PTP4A2: variants seen among roughly 807,000 people sequenced by gnomAD.
PTP4A2 encodes the protein protein tyrosine phosphatase 4A2, also known as protein tyrosine phosphatase type IVA 2.
Under a neutral mutation model 22.9 loss-of-function variants are expected in PTP4A2, and 2 were observed. That is an observed-to-expected ratio of 0.09 (90% CI 0.04 to 0.27). The LOEUF is 0.27. Ranked by LOEUF, PTP4A2 falls within the 10% of genes least tolerant of loss-of-function variation. The pLI, the probability that PTP4A2 is intolerant of heterozygous loss-of-function variation, is 1.00. For missense variants in PTP4A2, 103 were observed against 205.1 expected (o/e 0.50, Z 3.04); for synonymous variants, 68 against 69.1 (o/e 0.98, Z 0.08).
chr1:31,923,046 C>T (rs918057489), intron 1 of PTP4A2, among the ~76,000 whole-genome samples: 5 of 151,778 alleles, frequency 3.3e-5, no homozygotes, highest in Non-Finnish European at 7.4e-5. Flanking sequence ...ATTCTCCTGC[C>T]TCAGCCTCCC....
intron 1 of PTP4A2, among the ~76,000 whole-genome samples, chr1:31,936,393 C>T (rs754458339): frequency 9.9e-5 from 15 of 151,832 alleles, no homozygotes; most frequent in Admixed American, 7.9e-4. Context: ...CAGAGCGAGA[C>T]TCCATCTCAA....
intron 2 of PTP4A2, among the ~76,000 whole-genome samples, chr1:31,916,323 C>T (rs1388250908): frequency 2.5e-4 from 29 of 116,936 alleles, no homozygotes; most frequent in East Asian, 7.9e-4. Context: ...CCAGCCTGGG[C>T]GACAGAGCGA....
At chr1:31,932,520 T>A (rs1012583336) in intron 1 of PTP4A2, among the ~76,000 whole-genome samples, 1 of 152,200 alleles carries the variant, frequency 6.6e-6, no homozygotes, top group African/African-American at 2.4e-5. Context: ...AAAATCAGTA[T>A]AGGCAAACAA....
chr1:31,919,210 C>T lies in PTP4A2; in HGVS notation c.-145G>A, dbSNP rs974063841. On this transcript the variant is annotated 5_prime_UTR_variant, in exon 2 of 6. Transcript: ENST00000647444. ...ATTATCAATCAGTGTTTTCTCTATTCAACTTGTTTATTCCTTATGAAGCTT... is the reference window on the plus strand; with the variant it reads ...ATTATCAATCAGTGTTTTCTCTATTTAACTTGTTTATTCCTTATGAAGCTT... The T allele has an allele frequency of 1.5e-5, 7 of 477,874 alleles. No homozygotes were observed. Among genetic ancestry groups the T allele is most frequent in the Non-Finnish European group, 2.3e-5 (6 of 264,374 alleles). 29.6% of individuals were successfully genotyped at this position (477,874 alleles called of 1,614,324 possible).
chr1:31,933,264 T>G (rs961951074), intron 1 of PTP4A2: 12 of 152,230 alleles, frequency 7.9e-5, no homozygotes, highest in Admixed American at 3.9e-4. Flanking sequence ...CCTCCCAGAA[T>G]GAGCCACTGT....
intron 1 of PTP4A2, among the ~76,000 whole-genome samples, chr1:31,928,838 C>A (rs1652598335): frequency 6.6e-6 from 1 of 152,044 alleles, no homozygotes. Flanking sequence ...GAAATCATGA[C>A]CTTGATGGTG....
intron 1 of PTP4A2, chr1:31,932,724 T>C (rs1410291510): frequency 6.6e-6 from 1 of 152,254 alleles, no homozygotes; most frequent in Non-Finnish European, 1.5e-5. Flanking sequence ...ACAGCTAGTA[T>C]TGCTGTGCAG....
chr1:31,914,875 A>G (rs1651742213), intron 3 of PTP4A2, among the ~76,000 whole-genome samples: 1 of 152,214 alleles, frequency 6.6e-6, no homozygotes, highest in Non-Finnish European at 1.5e-5. Flanking sequence ...TAGACAAAAA[A>G]TCTAATCATA....
intron 1 of PTP4A2, chr1:31,931,146 G>A (rs1043726574): frequency 3.0e-4 from 46 of 152,218 alleles, no homozygotes; most frequent in African/African-American, 1.1e-3. Context: ...CAAGCTCCTA[G>A]AAGAATCAAC....
intron 1 of PTP4A2, chr1:31,933,148 C>G (rs918820221): frequency 1.3e-5 from 2 of 152,310 alleles, no homozygotes; most frequent in African/African-American, 4.8e-5. Flanking sequence ...ACTACAGGTT[C>G]ATACCACTAT....
chr1:31,935,925 G>C (rs1209568046), intron 1 of PTP4A2, among the ~76,000 whole-genome samples: 2 of 151,992 alleles, frequency 1.3e-5, no homozygotes, highest in Non-Finnish European at 2.9e-5. Context: ...CTCCGGGATA[G>C]CTGGAACTAC....
chr1:31,923,679 C>A (rs1038223786), intron 1 of PTP4A2, among the ~76,000 whole-genome samples: 1 of 152,000 alleles, frequency 6.6e-6, no homozygotes, highest in Admixed American at 6.6e-5. Flanking sequence ...CATGCCACTG[C>A]GCCCAGCTAA....
At chr1:31,926,667 G>A (rs1434328718) in intron 1 of PTP4A2, among the ~76,000 whole-genome samples, 1 of 152,076 alleles carries the variant, frequency 6.6e-6, no homozygotes, top group Non-Finnish European at 1.5e-5. Context: ...AATATTTACA[G>A]AACATGTACT....
chr1:31,933,935 G>A (rs975352553), intron 1 of PTP4A2: 1 of 152,080 alleles, frequency 6.6e-6, no homozygotes, highest in Non-Finnish European at 1.5e-5. Context: ...CACCCTATTC[G>A]ATAAACATAA....
In PTP4A2 at chr1:31,912,079, C is replaced by G. The variant is rs56213475; in HGVS notation, c.190-253G>C. Among the ~76,000 whole-genome samples the G allele has an allele frequency of 8.9e-3, 1,351 of 152,262 alleles. 23 individuals carry two copies. The highest frequency in any genetic ancestry group is 0.03 in the African/African-American group (1,267 of 41,542). ...TACAAAAACTTACAGAAATCTCTAT[C>G]AGAGTCATAAGAGCTAGTGTTCTCC... On this transcript the variant is annotated intron_variant, in intron 3 of 5. Transcript: ENST00000647444.
Position 31,907,790 on chromosome 1 carries a change from T to A in PTP4A2, c.*1062A>T, listed in dbSNP as rs1651257515. The A allele has an allele frequency of 1.3e-5, 2 of 151,776 alleles. No homozygotes were observed. The highest frequency in any genetic ancestry group is 4.8e-5 in the African/African-American group (2 of 41,302). 9.4% of individuals were successfully genotyped at this position (151,776 alleles called of 1,614,324 possible). A position where few individuals can be genotyped will look rare whatever the true frequency, so the allele number is the denominator to read the frequency against. Reference sequence around the variant, plus strand: ...GCATTCTCTGATACTAGACAGAAAATCAGAGTAACGCTACAGCCCACAATT... The same window carrying A: ...GCATTCTCTGATACTAGACAGAAAAACAGAGTAACGCTACAGCCCACAATT... On this transcript the variant is annotated 3_prime_UTR_variant, in exon 6 of 6. Coordinates refer to ENST00000647444, the MANE Select transcript of PTP4A2 (RefSeq NM_080391.4).
intron 1 of PTP4A2, among the ~76,000 whole-genome samples, chr1:31,934,954 A>G (rs1652870935): frequency 6.6e-6 from 1 of 152,242 alleles, no homozygotes; most frequent in African/African-American, 2.4e-5. Flanking sequence ...AAGGTGTTCT[A>G]AAATGCCAGC....
chr1:31,930,166 G>A (rs938200338), intron 1 of PTP4A2, among the ~76,000 whole-genome samples: 5 of 151,966 alleles, frequency 3.3e-5, no homozygotes, highest in Non-Finnish European at 5.9e-5. Context: ...GTGAAACCCC[G>A]TCTCTACTAA....
chr1:31,910,797 T>C (rs909659660), intron 4 of PTP4A2: 1 of 152,256 alleles, frequency 6.6e-6, no homozygotes, highest in Non-Finnish European at 1.5e-5. Flanking sequence ...TACCAATTGA[T>C]TTTAATATTT....
Sources: gnomAD v4.1 joint callset for allele counts (sites outside exome capture counted in the v4.1 genomes callset) on GRCh38, gnomAD v4.1.1 for gene constraint, MANE v1.5 for transcripts, NCBI Gene and HGNC (gene_info 2026-07-23, HGNC 2026-07-21) for gene names.